The following CLSTN2 variants were observed in gnomAD, a reference collection of about 807,000 sequenced individuals.
The protein encoded by CLSTN2 is calsyntenin-2.
Under a neutral mutation model 101.2 loss-of-function variants are expected in CLSTN2, and 48 were observed. The ratio of observed to expected loss-of-function variants is 0.47; its 90% CI spans 0.38 to 0.60. CLSTN2 has a LOEUF of 0.60. Among genes scored for constraint, CLSTN2 ranks in the 20% least tolerant of loss-of-function variants. The pLI is 0.00. For synonymous variants in CLSTN2, 481 were observed against 463.6 expected (o/e 1.04, Z -0.48); for missense variants, 1,160 against 1,238.2 (o/e 0.94, Z 0.95).
intron 1 of CLSTN2, among the ~76,000 whole-genome samples, chr3:140,161,782 G>C (rs1218925999): frequency 6.6e-6 from 1 of 151,954 alleles, no homozygotes; most frequent in Non-Finnish European, 1.5e-5. Context: ...CAAGTCCTTT[G>C]ACAAGCCACA....
intron 1 of CLSTN2, among the ~76,000 whole-genome samples, chr3:140,030,016 T>C (rs1031438896): frequency 6.6e-6 from 1 of 152,230 alleles, no homozygotes; most frequent in African/African-American, 2.4e-5. Flanking sequence ...TCGCATCTCA[T>C]CTTGGTCCTT....
chr3:140,419,131 C>A (rs1324153099), intron 4 of CLSTN2, among the ~76,000 whole-genome samples: 1 of 151,696 alleles, frequency 6.6e-6, no homozygotes, highest in African/African-American at 2.4e-5. Flanking sequence ...CAATACATAG[C>A]AGTTAGAAGA....
chr3:140,341,076 G>A (rs552240748), intron 2 of CLSTN2, among the ~76,000 whole-genome samples: 4 of 152,176 alleles, frequency 2.6e-5, no homozygotes, highest in East Asian at 1.9e-4. Flanking sequence ...AGATTTCTCC[G>A]GCATAAAATT....
Position 140,538,767 on chromosome 3 carries a change from T to C in CLSTN2, c.1507+6281T>C, listed in dbSNP as rs181889158. Among the ~76,000 whole-genome samples, 5 of 152,320 alleles carry C rather than the reference T, an allele frequency of 3.3e-5. No individual in the cohort carries two copies. The East Asian group carries it at 9.7e-4, about 29-fold the overall frequency. ...AGGCACATGCTAGCAGAGTCTGCCT[T>C]ACATTCAGGTCATGTTTTCCAAGGA... On this transcript the variant is annotated intron_variant, in intron 9 of 16. Transcript: ENST00000458420.
intron 2 of CLSTN2, among the ~76,000 whole-genome samples, chr3:140,338,528 A>G (rs530875122): frequency 2.6e-5 from 4 of 152,210 alleles, no homozygotes; most frequent in South Asian, 2.1e-4. Context: ...GGGTGGCAGA[A>G]GGAATGAAAT....
At chr3:140,192,404 A>T in intron 2 of CLSTN2, among the ~76,000 whole-genome samples, 1 of 151,898 alleles carries the variant, frequency 6.6e-6, no homozygotes, top group East Asian at 1.9e-4. Context: ...GGATGTTGAA[A>T]TTTTAAATTA....
At chr3:140,382,741 G>T (rs924245324) in intron 2 of CLSTN2, among the ~76,000 whole-genome samples, 1 of 152,204 alleles carries the variant, frequency 6.6e-6, no homozygotes, top group Non-Finnish European at 1.5e-5. Context: ...GTCAGGCTCT[G>T]CTGAGGGCCC....
intron 2 of CLSTN2, among the ~76,000 whole-genome samples, chr3:140,332,403 A>G (rs2087392496): frequency 6.6e-6 from 1 of 152,242 alleles, no homozygotes; most frequent in Admixed American, 6.5e-5. Context: ...TCAATGCTGC[A>G]AGCAGCAGGA....
At chr3:140,521,585 C>G (rs1379972269) in intron 8 of CLSTN2, among the ~76,000 whole-genome samples, 1 of 152,190 alleles carries the variant, frequency 6.6e-6, no homozygotes, top group Non-Finnish European at 1.5e-5. Context: ...GGAGGCCTCA[C>G]CCAGTCAGGA....
At chr3:140,154,653 T>G (rs1241993313) in intron 1 of CLSTN2, among the ~76,000 whole-genome samples, 13 of 144,008 alleles carry the variant, frequency 9.0e-5, no homozygotes, top group African/African-American at 3.1e-4. Context: ...TTTTTTTTTT[T>G]TTTTTTTTTG....
chr3:140,005,478 C>T (rs1356838003), intron 1 of CLSTN2, among the ~76,000 whole-genome samples: 2 of 152,116 alleles, frequency 1.3e-5, no homozygotes, highest in Admixed American at 6.5e-5. Context: ...TCGTTCACCC[C>T]CTGCCCACCA....
intron 4 of CLSTN2, among the ~76,000 whole-genome samples, chr3:140,417,667 G>A (rs918566794): frequency 5.3e-5 from 8 of 152,180 alleles, no homozygotes; most frequent in African/African-American, 1.9e-4. Flanking sequence ...GGTTAACTGT[G>A]GGATTAGGTC....
intron 1 of CLSTN2, among the ~76,000 whole-genome samples, chr3:139,955,262 A>T (rs1407510143): frequency 6.6e-6 from 1 of 151,700 alleles, no homozygotes; most frequent in African/African-American, 2.4e-5. Flanking sequence ...CTGAGAAGCT[A>T]CAGGATGTTG....
chr3:140,309,428 C>T (rs1362632459), intron 2 of CLSTN2, among the ~76,000 whole-genome samples: 1 of 152,088 alleles, frequency 6.6e-6, no homozygotes, highest in Non-Finnish European at 1.5e-5. Flanking sequence ...GCAGGCTGGA[C>T]ACTGGGTGTC....
At chr3:140,065,245 C>A (rs555635861) in intron 1 of CLSTN2, among the ~76,000 whole-genome samples, 1 of 152,152 alleles carries the variant, frequency 6.6e-6, no homozygotes, top group Non-Finnish European at 1.5e-5. Flanking sequence ...CCAGGTGAGC[C>A]GAAGGTCTGG....
chr3:140,213,328 T>C (rs1352451577), intron 2 of CLSTN2, among the ~76,000 whole-genome samples: 5 of 152,180 alleles, frequency 3.3e-5, no homozygotes, highest in African/African-American at 1.2e-4. Flanking sequence ...TGATATGATA[T>C]GGAAATATCC....
intron 2 of CLSTN2, among the ~76,000 whole-genome samples, chr3:140,276,467 ACTAT>A (rs1482941506): frequency 6.6e-6 from 1 of 152,190 alleles, no homozygotes; most frequent in Non-Finnish European, 1.5e-5. Flanking sequence ...GTGGCCAAGT[ACTAT>A]CTGAGTCTGG....
At chr3:140,176,125 G>A (rs77369204) in intron 2 of CLSTN2, 52 bp downstream of exon 2, 6 of 1,602,700 alleles carry the variant, frequency 3.7e-6, no homozygotes, top group Non-Finnish European at 5.1e-6. Context: ...AAGATGTGCT[G>A]TGAAACCTCC....
In CLSTN2 at chr3:140,558,918, A is replaced by G; in HGVS notation, c.2041+61A>G. 2.2e-6 allele frequency: 3 copies of G among 1,341,908 alleles called. No individual in the cohort carries two copies. The Admixed American group carries it at 5.4e-5, about 24-fold the overall frequency. 83.1% of individuals were successfully genotyped at this position (1,341,908 alleles called of 1,614,324 possible). A position where few individuals can be genotyped will look rare whatever the true frequency, so the allele number is the denominator to read the frequency against. On this transcript the variant is annotated intron_variant, in intron 12 of 16. Transcript: ENST00000458420. ...CTTAATTTTTTACAGCCATGTGAAA[A>G]CATACTTCAGAACAACAGCATTGTT...
Sources: gnomAD v4.1 joint callset for allele counts (sites outside exome capture counted in the v4.1 genomes callset) on GRCh38, gnomAD v4.1.1 for gene constraint, MANE v1.5 for transcripts, NCBI Gene and HGNC (gene_info 2026-07-23, HGNC 2026-07-21) for gene names.